NOTCH3: variants seen among roughly 807,000 people sequenced by gnomAD.
The protein encoded by NOTCH3 is notch receptor 3, also known as neurogenic locus notch homolog protein 3.
Under a neutral mutation model 213.3 loss-of-function variants are expected in NOTCH3, and 86 were observed. The ratio of observed to expected loss-of-function variants is 0.40; its 90% confidence interval spans 0.34 to 0.48. NOTCH3 has a LOEUF of 0.48. Among genes scored for constraint, NOTCH3 ranks in the 20% least tolerant of loss-of-function variants. The pLI is 0.57. For synonymous variants in NOTCH3, 1,354 were observed against 1,355.9 expected (o/e 1.00, Z 0.03); for missense variants, 2,783 against 3,272.6 (o/e 0.85, Z 3.65).
rs2046886610 is a variant in NOTCH3 at position 15,186,954 on chromosome 19, G to T, written c.1875C>A (p.Ala625=). The change falls in exon 12 of 33, where the codon GCC becomes GCA. Residue 625 remains alanine (A), a synonymous_variant. Coordinates refer to ENST00000263388, the MANE Select transcript of NOTCH3 (RefSeq NM_000435.3). ...VNCEVNIDDC[A]SNPCTFGVCR... is the part of the protein sequence containing the mutation. Reference sequence around the variant, plus strand: ...AGACTCCAAAGGTGCAGGGGTTGCTGGCACAGTCGTCAATGTTCACTTCGC... The same window carrying T: ...AGACTCCAAAGGTGCAGGGGTTGCTTGCACAGTCGTCAATGTTCACTTCGC... 1.2e-6 allele frequency: 2 copies of T among 1,614,086 alleles called. No individual in the cohort carries two copies. Among genetic ancestry groups the T allele is most frequent in the African/African-American group, 1.3e-5 (1 of 74,938 alleles).
intron 8 of NOTCH3, 136 bp downstream of exon 8, chr19:15,188,853 C>T (rs766021197): frequency 1.3e-5 from 11 of 862,082 alleles, no homozygotes; most frequent in Admixed American, 4.4e-5. Context: ...CCTGACCCCA[C>T]CTCCTTCCAG....
chr19:15,166,451 T>C (rs1381797642), intron 29 of NOTCH3, among the ~76,000 whole-genome samples: 1 of 152,110 alleles, frequency 6.6e-6, no homozygotes, highest in East Asian at 1.9e-4. Flanking sequence ...TTCATACTCC[T>C]GCACCCACTG....
At chr19:15,187,833 C>G in intron 10 of NOTCH3, 48 bp downstream of exon 10, 1 of 1,467,214 alleles carries the variant, frequency 6.8e-7, no homozygotes, top group Non-Finnish European at 9.3e-7. Context: ...CTGTCGCCCA[C>G]AAGCCCCGCC....
chr19:15,161,145 G>C lies in NOTCH3; in HGVS notation c.6483C>G (p.Gly2161=), dbSNP rs2046638189. The stretch of plus-strand genomic sequence containing the variant: ...GGGGCACAGCCACAGGGTTCAGCAG[G>C]CCCAGGCTGAGTACACATCCTCCAG... ...QPPGGCVLSL[G]LLNPVAVPLD... Residue 2161 remains glycine, a synonymous_variant, in exon 33 of 33, where the codon GGC becomes GGG. Transcript: ENST00000263388. 6.5e-7 allele frequency: 1 copy of C among 1,539,310 alleles called. No individual in the cohort carries two copies. The highest frequency in any genetic ancestry group is 8.7e-7 in the Non-Finnish European group (1 of 1,148,662).
chr19:15,180,996 T>G lies in NOTCH3; in HGVS notation c.2959A>C (p.Thr987Pro), dbSNP rs1599382557. ...CSAAHPGFRC[T>P]CLESFTGPQC... ...GGGCCCGTGAAGCTCTCGAGGCAGG[T>G]GCAGCGGAAGCCAGGGTGGGCGGCG... The change falls in exon 18 of 33, where the codon ACC becomes CCC. Residue 987 changes from threonine to proline, a missense_variant. Physicochemically the swap from Thr to Pro is conservative, Grantham distance 38. This residue lies in a region of NOTCH3 where 861 missense variants were observed against 909.1 expected (regional missense o/e 0.95). Transcript: ENST00000263388. The G allele has an allele frequency of 6.3e-7, 1 of 1,596,518 alleles. No individual in the cohort carries two copies. The highest frequency in any genetic ancestry group is 8.5e-7 in the Non-Finnish European group (1 of 1,172,692).
chr19:15,186,375 T>TTGTG (rs1309435774), intron 12 of NOTCH3, among the ~76,000 whole-genome samples: 9 of 123,316 alleles, frequency 7.3e-5, no homozygotes, highest in South Asian at 2.9e-4. Flanking sequence ...TTGTTTGTTT[T>TTGTG]TGTATGTGTG....
chr19:15,180,277 C>G, intron 19 of NOTCH3, 21 bp from the exon 20 acceptor site: 1 of 1,613,018 alleles, frequency 6.2e-7, no homozygotes, highest in Non-Finnish European at 8.5e-7. Flanking sequence ...GAGAGTGGCA[C>G]AGGAACAGAG....
rs776950725 is a variant in NOTCH3, at chr19:15,177,071, T to TA, written c.4403+453dup. On this transcript the variant is annotated intron_variant, in intron 24 of 32. Coordinates refer to ENST00000263388, the MANE Select transcript of NOTCH3 (RefSeq NM_000435.3). ...TGGGCAAGAGAGCGAGACTCCGTCT[T>TA]AAAAAAAAAAAAAAAAAAAAAAAGG... 6.1e-3 allele frequency among the ~76,000 whole-genome samples: 480 copies of TA among 79,100 alleles called. 3 individuals are homozygous for TA. The highest frequency in any genetic ancestry group is 0.042 in the Middle Eastern group (3 of 72). 51.9% of individuals were successfully genotyped at this position (79,100 alleles called of 152,430 possible). A position where few individuals can be genotyped will look rare whatever the true frequency, so the allele number is the denominator to read the frequency against.
At chr19:15,178,784 G>A in intron 23 of NOTCH3, 39 bp downstream of exon 23, 4 of 1,431,864 alleles carry the variant, frequency 2.8e-6, no homozygotes, top group South Asian at 1.2e-5. Flanking sequence ...CAGAGGCCAC[G>A]CCCCTACTCC....
At position 15,175,552 on chromosome 19, in the gene NOTCH3, A is replaced by AAAAAACAT. The variant is rs1273195882; in HGVS notation, c.4404-1153_4404-1152insATGTTTTT. On this transcript the variant is annotated intron_variant, in intron 24 of 32. Transcript: ENST00000263388. Reference sequence around the variant, plus strand: ...CCTGTCTAAAAAAAAAAAAAAAAAAAATACATATATATATATATATATGTA... The same window carrying AAAAAACAT: ...CCTGTCTAAAAAAAAAAAAAAAAAAAAAAAACATATACATATATATATATATATATGTA... 5.4e-3 allele frequency among the ~76,000 whole-genome samples: 129 copies of AAAAAACAT among 23,930 alleles called. 2 individuals carry two copies. The highest frequency in any genetic ancestry group is 0.013 in the Non-Finnish European group (103 of 7,984). 15.7% of individuals were successfully genotyped at this position (23,930 alleles called of 152,430 possible). A position where few individuals can be genotyped will look rare whatever the true frequency, so the allele number is the denominator to read the frequency against.
At position 15,174,102 on chromosome 19, in the gene NOTCH3, G is replaced by A. The variant is rs2145408475; in HGVS notation, c.4702C>T (p.Arg1568Trp). ...YHRPSPGSEP[R>W]ARRELAPEVI... ...TCGGGGGCCAGCTCCCGACGGGCCC[G>A]GGGTTCGGAGCCAGGACTAGGCCGG... The change falls in exon 25 of 33, where the codon CGG becomes TGG. Residue 1568 changes from arginine to tryptophan, a missense_variant. By Grantham distance (101) the Arg-to-Trp change is moderately radical (BLOSUM62 -3). This residue lies in a region of NOTCH3 where 636 missense variants were observed against 801.8 expected (regional missense o/e 0.79). Transcript: ENST00000263388. The A allele has an allele frequency of 1.3e-6, 2 of 1,592,784 alleles. No homozygotes were observed. Among genetic ancestry groups the A allele is most frequent in the Non-Finnish European group, 1.7e-6 (2 of 1,165,600 alleles).
Position 15,160,475 on chromosome 19 carries a change from TAAATAA to T in NOTCH3, c.*181_*186del. 2 of 633,256 alleles carry T rather than the reference TAAATAA, an allele frequency of 3.2e-6. No individual in the cohort carries two copies. The highest frequency in any genetic ancestry group is 3.6e-5 in the South Asian group (2 of 55,176). The allele number at this position is 633,256 out of a possible 1,614,324, so 39.2% of individuals were successfully genotyped here. ...GGTGGGTGGTAGCCCCCACCCATTATAAATAAAGGAAGACTGAAGCCCTGGGCTGAT... is the reference window on the plus strand; with the variant it reads ...GGTGGGTGGTAGCCCCCACCCATTATAGGAAGACTGAAGCCCTGGGCTGAT... On this transcript the variant is annotated 3_prime_UTR_variant, in exon 33 of 33. Transcript: ENST00000263388.
rs981235130 is a variant in NOTCH3, at chr19:15,188,007, G to A, written c.1493-13C>T. 7 of 1,546,678 alleles carry A rather than the reference G, an allele frequency of 4.5e-6. No individual in the cohort carries two copies. Among genetic ancestry groups the A allele is most frequent in the East Asian group, 4.9e-5 (2 of 40,872 alleles). ...GAGCCGCTGAAGCCTGGGGTGGGGA[G>A]TGGGATGAGCAGAGGCCCAGAAAGG... is the stretch of plus-strand genomic sequence containing the variant. On this transcript the variant is annotated splice_polypyrimidine_tract_variant and intron_variant, in intron 9 of 32. Transcript: ENST00000263388.
chr19:15,180,353 T>C lies in NOTCH3; in HGVS notation c.3143-97A>G. 5 of 1,355,504 alleles carry C rather than the reference T, an allele frequency of 3.7e-6. No individual in the cohort carries two copies. In the East Asian group the frequency reaches 9.7e-5, roughly 26 times the overall value. The allele number at this position is 1,355,504 out of a possible 1,614,324, so 84.0% of individuals were successfully genotyped here. A position where few individuals can be genotyped will look rare whatever the true frequency, so the allele number is the denominator to read the frequency against. ...CATTCAACATCCTTGGTGGAATGAG[T>C]CCCCAGGATCGCACCCACACTCCAT... On this transcript the variant is annotated intron_variant, in intron 19 of 32. Transcript: ENST00000263388.
intron 24 of NOTCH3, among the ~76,000 whole-genome samples, chr19:15,175,581 ATATG>A (rs2046782151): frequency 3.0e-5 from 1 of 33,702 alleles, no homozygotes; most frequent in African/African-American, 1.7e-4. Flanking sequence ...ATATGTATAT[ATATG>A]TATATACACA....
chr19:15,170,935 A>G (rs2046728815), intron 25 of NOTCH3, 110 bp from the exon 26 acceptor site: 1 of 1,225,024 alleles, frequency 8.2e-7, no homozygotes, highest in Admixed American at 2.0e-5. Flanking sequence ...CGCCATCTCC[A>G]CCCACAGGTC....
At chr19:15,167,901 TTTTTG>T (rs143154653) in intron 28 of NOTCH3, among the ~76,000 whole-genome samples, 17,754 of 62,236 alleles carry the variant, frequency 0.29, 1,279 homozygotes, top group African/African-American at 0.45. Flanking sequence ...TTTTTTTTTT[TTTTTG>T]GTCTTTTTGA....
chr19:15,187,968 C>G lies in NOTCH3; in HGVS notation c.1519G>C (p.Asp507His). 1 of 1,550,998 alleles carries G rather than the reference C, an allele frequency of 6.4e-7. No individual in the cohort carries two copies. The highest frequency in any genetic ancestry group is 8.7e-7 in the Non-Finnish European group (1 of 1,146,976). ...SGFSGSTCQL[D>H]VDECASTPCR... ...GGCGTGCTGGCGCATTCGTCCACGT[C>G]CAGCTGACACGTGGAGCCGCTGAAG... The change falls in exon 10 of 33, where the codon GAC becomes CAC. Residue 507 changes from aspartate (D) to histidine (H), a missense_variant. Coordinates refer to ENST00000263388, the MANE Select transcript of NOTCH3 (RefSeq NM_000435.3).
In NOTCH3 at chr19:15,191,386, A is replaced by T. The variant is rs1190253339; in HGVS notation, c.1036+38T>A. On this transcript the variant is annotated intron_variant, in intron 6 of 32. Coordinates refer to ENST00000263388, the MANE Select transcript of NOTCH3 (RefSeq NM_000435.3). ...GACTTCTTATTTGCCCTCACTAAAAACCATCCATGGCTCCCTGCAGAGAAA... is the reference window on the plus strand; with the variant it reads ...GACTTCTTATTTGCCCTCACTAAAATCCATCCATGGCTCCCTGCAGAGAAA... 32 of 1,572,102 alleles carry T rather than the reference A, an allele frequency of 2.0e-5. No individual in the cohort carries two copies. In the Admixed American group the frequency reaches 5.4e-4, roughly 26 times the overall value.
Sources: allele counts gnomAD v4.1 joint callset (sites outside exome capture counted in the v4.1 genomes callset), GRCh38; gene constraint gnomAD v4.1.1; regional missense constraint gnomAD v4.1.1; transcripts MANE v1.5; gene names NCBI Gene and HGNC (gene_info 2026-07-23, HGNC 2026-07-21).